CATSPERG: variants seen among roughly 807,000 people sequenced by gnomAD.
CATSPERG encodes cation channel sperm-associated auxiliary subunit gamma.
Under a neutral mutation model 145.0 loss-of-function variants are expected in CATSPERG, and 115 were observed. The ratio of observed to expected loss-of-function variants is 0.79; its 90% CI spans 0.68 to 0.93. The LOEUF (loss-of-function observed/expected upper bound fraction) is 0.93. Among genes scored for constraint, CATSPERG ranks in the 40% least tolerant of loss-of-function variants. The probability of loss-of-function intolerance (pLI) is 0.00; values close to 1 mark genes in which losing one functional copy is unlikely to be tolerated. For missense variants in CATSPERG, 1,296 were observed against 1,490.1 expected, an observed-to-expected ratio of 0.87 and a Z score of 2.14; for synonymous variants, 588 against 589.0, an observed-to-expected ratio of 1.00 and a Z score of 0.02.
chr19:38,369,303 C>T (rs1360977595), intron 26 of CATSPERG: 3 of 152,530 alleles, frequency 2.0e-5, no homozygotes, highest in Non-Finnish European at 4.4e-5. Context: ...CTCCGTCACC[C>T]AGGCTGGAGT....
intron 22 of CATSPERG, chr19:38,366,701 CTTTT>C (rs1215972834): frequency 8.8e-5 from 12 of 136,300 alleles, no homozygotes; most frequent in Non-Finnish European, 1.6e-4. Flanking sequence ...GGCTCTCGGT[CTTTT>C]TTTTTTTTTT....
At chr19:38,345,039 T>A (rs1396088563) in intron 6 of CATSPERG, among the ~76,000 whole-genome samples, 2 of 149,888 alleles carry the variant, frequency 1.3e-5, no homozygotes, top group Non-Finnish European at 3.0e-5. Context: ...CCCAAGTAGC[T>A]GGGACCACGG....
chr19:38,359,494 C>T lies in CATSPERG; in HGVS notation c.1521C>T (p.Tyr507=). ...GCTCTAACAAGGAAAACTTCATCTACCTGGCAGACTTCCCCAAGGAACTGT... is the reference window on the plus strand; with the variant it reads ...GCTCTAACAAGGAAAACTTCATCTATCTGGCAGACTTCCCCAAGGAACTGT... ...LQSSNKENFI[Y]LADFPKELSI... The change falls in exon 14 of 29, where the codon TAC becomes TAT. Residue 507 remains tyrosine (Y), a synonymous_variant. Coordinates refer to ENST00000409235, the MANE Select transcript of CATSPERG (RefSeq NM_021185.5). The T allele has an allele frequency of 2.5e-6, 4 of 1,613,624 alleles. No individual in the cohort carries two copies. The highest frequency in any genetic ancestry group is 3.4e-6 in the Non-Finnish European group (4 of 1,179,610).
intron 3 of CATSPERG, among the ~76,000 whole-genome samples, chr19:38,342,943 C>T (rs1051618097): frequency 2.0e-5 from 3 of 152,102 alleles, no homozygotes; most frequent in Non-Finnish European, 4.4e-5. Flanking sequence ...CCTGTGTAAT[C>T]GCCCCATCCT....
At chr19:38,361,600 C>A (rs1970345327) in intron 16 of CATSPERG, 48 bp from the exon 17 acceptor site, 1 of 1,476,652 alleles carries the variant, frequency 6.8e-7, no homozygotes, top group Non-Finnish European at 9.3e-7. Flanking sequence ...GCTTCCAGTG[C>A]GCGGGGTGCC....
chr19:38,361,992 G>GGGGGGGGGGGC, intron 17 of CATSPERG, 131 bp downstream of exon 17: 2 of 347,380 alleles, frequency 5.8e-6, no homozygotes, highest in Non-Finnish European at 1.1e-5. Context: ...GTGGGCGGGG[G>GGGGGGGGGGGC]ACCTGGGGGC....
intron 17 of CATSPERG, 50 bp downstream of exon 17, chr19:38,361,911 C>G (rs1386537461): frequency 1.6e-6 from 2 of 1,245,838 alleles, no homozygotes; most frequent in African/African-American, 1.8e-5. Context: ...CTGGGGCAGC[C>G]GGGAGCTGGC....
intron 7 of CATSPERG, among the ~76,000 whole-genome samples, chr19:38,347,940 C>T (rs1220855192): frequency 9.8e-6 from 1 of 102,564 alleles, no homozygotes; most frequent in African/African-American, 3.6e-5. Flanking sequence ...GACTCTGTCT[C>T]AAAAAAAAAA....
intron 4 of CATSPERG, 69 bp downstream of exon 4, chr19:38,343,793 G>A (rs779929440): frequency 2.0e-6 from 3 of 1,503,366 alleles, no homozygotes; most frequent in East Asian, 4.9e-5. Context: ...GGCCTCTGTG[G>A]GGCCATGATC....
Position 38,337,403 on chromosome 19 carries a change from G to T in CATSPERG, c.169G>T (p.Gly57Cys). The T allele has an allele frequency of 1.3e-6, 2 of 1,551,984 alleles. No individual in the cohort carries two copies. Among genetic ancestry groups the T allele is most frequent in the Non-Finnish European group, 1.7e-6 (2 of 1,147,050 alleles). ...QVVLNEFKRVGESGVSDSFFE... is the reference protein window; with the variant it reads ...QVVLNEFKRVCESGVSDSFFE... ...TGTCCTGAACGAGTTTAAGAGGGTA[G>T]GCGAGAGTGGTGTGAGCGACAGCTT... The change falls in exon 2 of 29, where the codon GGC (glycine) becomes TGC (cysteine). Residue 57 changes from glycine (G) to cysteine (C), a missense_variant. Physicochemically the swap from Gly to Cys is radical, Grantham distance 159. Transcript: ENST00000409235.
chr19:38,345,250 C>A (rs574726228), intron 6 of CATSPERG, among the ~76,000 whole-genome samples: 2 of 151,670 alleles, frequency 1.3e-5, no homozygotes, highest in East Asian at 3.9e-4. Flanking sequence ...CCCATCACCA[C>A]GCCCTGCTAA....
At chr19:38,349,676 G>GTTTT (rs1346490000) in intron 7 of CATSPERG, 2 of 151,864 alleles carry the variant, frequency 1.3e-5, no homozygotes, top group African/African-American at 5.0e-5. Context: ...TTGTTTGTTT[G>GTTTT]TTTTTTGAGA....
intron 20 of CATSPERG, 73 bp from the exon 21 acceptor site, chr19:38,364,818 T>C: frequency 1.7e-6 from 2 of 1,203,994 alleles, no homozygotes; most frequent in Admixed American, 3.4e-5. Flanking sequence ...TATGGGTTAT[T>C]TGAACTGTTT....
intron 11 of CATSPERG, 34 bp downstream of exon 11, chr19:38,356,895 G>T: frequency 9.3e-6 from 15 of 1,609,782 alleles, no homozygotes; most frequent in Non-Finnish European, 1.3e-5. Context: ...TGGGCACAAA[G>T]GGGCAGGATC....
At chr19:38,370,460 G>A in intron 28 of CATSPERG, 66 bp from the exon 29 acceptor site, 2 of 1,591,624 alleles carry the variant, frequency 1.3e-6, no homozygotes, top group Non-Finnish European at 1.7e-6. Flanking sequence ...TGTCACTGTG[G>A]ATGCAGATTG....
In CATSPERG at chr19:38,370,608, C is replaced by G; in HGVS notation, c.3296C>G (p.Thr1099Arg). ...TGGCCCCTCGTGGTGAAGGGCTGCA[C>G]GATGATCCGGTGGAAGATAAACAAC... is the stretch of plus-strand genomic sequence containing the variant. ...LLWPLVVKGC[T>R]MIRWKINNLI... The change falls in exon 29 of 29, where the codon ACG becomes AGG. Residue 1099 changes from threonine to arginine, a missense_variant. By Grantham distance (71) the Thr-to-Arg change is moderately conservative. Transcript: ENST00000409235. 4 of 1,614,134 alleles carry G rather than the reference C, an allele frequency of 2.5e-6. No individual in the cohort carries two copies. Among genetic ancestry groups the G allele is most frequent in the Non-Finnish European group, 3.4e-6 (4 of 1,180,038 alleles).
chr19:38,355,368 A>C (rs1000171924), intron 9 of CATSPERG, among the ~76,000 whole-genome samples: 9 of 149,140 alleles, frequency 6.0e-5, no homozygotes, highest in African/African-American at 1.5e-4. Context: ...CAAATCCCCC[A>C]AAAAAACAAA....
rs913256377 is a variant in CATSPERG at position 38,337,097 on chromosome 19, A to G, written c.-14-124A>G. 2.3e-5 allele frequency: 28 copies of G among 1,214,648 alleles called. No individual in the cohort carries two copies. The African/African-American group carries it at 2.9e-4, about 12-fold the overall frequency. 75.2% of individuals were successfully genotyped at this position (1,214,648 alleles called of 1,614,324 possible). On this transcript the variant is annotated intron_variant, in intron 1 of 28. Transcript: ENST00000409235. ...CAAGAGCAAGTGCAGGGGCGGGGCC[A>G]GGAGCAAGAGCCGGGGCGTGGCCAG...
intron 11 of CATSPERG, 59 bp downstream of exon 11, chr19:38,356,920 G>T: frequency 6.3e-7 from 1 of 1,596,756 alleles, no homozygotes; most frequent in Non-Finnish European, 8.5e-7. Flanking sequence ...ACTGTGGACT[G>T]CATGCCCATC....
Sources: gnomAD v4.1 joint callset for allele counts (sites outside exome capture counted in the v4.1 genomes callset) on GRCh38, gnomAD v4.1.1 for gene constraint, MANE v1.5 for transcripts, NCBI Gene and HGNC (gene_info 2026-07-23, HGNC 2026-07-21) for gene names.